Variants in TET2 observed in about 807,000 individuals in gnomAD.
TET2 encodes the protein methylcytosine dioxygenase TET2.
TET2 carries 299 observed loss-of-function variants against 142.9 expected under a neutral mutation model. That is an observed-to-expected ratio of 2.09 (90% CI 1.90 to 2.30). The LOEUF (loss-of-function observed/expected upper bound fraction) is 2.30, where lower values mean the gene tolerates loss of function less well. Among genes scored for constraint, TET2 ranks in the 30% most tolerant of loss-of-function variants. TET2 has a pLI of 0.00. For missense variants in TET2, 2,418 were observed against 2,378.0 expected (o/e 1.02, Z -0.35); for synonymous variants, 819 against 849.0 (o/e 0.96, Z 0.61).
chr4:105,243,578 C>T lies in TET2; in HGVS notation c.3603C>T (p.Arg1201=), dbSNP rs2110254442. 1 of 1,551,492 alleles carries T rather than the reference C, an allele frequency of 6.4e-7. No homozygotes were observed. Among genetic ancestry groups the T allele is most frequent in the Non-Finnish European group, 8.7e-7 (1 of 1,146,910 alleles). Residue 1201 remains arginine (R), a synonymous_variant, in exon 6 of 11, where the codon CGC becomes CGT. Transcript: ENST00000380013. ...QGCPIAKWVV[R]RSSSEEKLLC... is the part of the protein sequence containing the mutation. ...AATGGTGATCCACGCAGGTGGTTCG[C>T]AGAAGCAGCAGTGAAGAGAAGCTAC...
intron 2 of TET2, among the ~76,000 whole-genome samples, chr4:105,201,618 A>T (rs1578609433): frequency 6.6e-6 from 1 of 150,992 alleles, no homozygotes; most frequent in Admixed American, 6.6e-5. Flanking sequence ...TGCTAATTAT[A>T]GATTGTACTA....
intron 9 of TET2, among the ~76,000 whole-genome samples, chr4:105,271,167 T>C (rs1013955118): frequency 1.3e-5 from 2 of 152,240 alleles, no homozygotes; most frequent in Non-Finnish European, 2.9e-5. Context: ...CTTAGTTTAC[T>C]GGCCATACAA....
intron 1 of TET2, among the ~76,000 whole-genome samples, chr4:105,175,188 A>T (rs559866907): frequency 6.6e-6 from 1 of 152,306 alleles, no homozygotes; most frequent in African/African-American, 2.4e-5. Context: ...AAAAATTATA[A>T]GGCATGCTAA....
chr4:105,147,564 C>T (rs1045874598), intron 1 of TET2: 1 of 151,780 alleles, frequency 6.6e-6, no homozygotes, highest in African/African-American at 2.4e-5. Context: ...AATTGGAGTA[C>T]ACTGAGTGGG....
At chr4:105,242,297 A>T in intron 4 of TET2, 1 of 1,079,580 alleles carries the variant, frequency 9.3e-7, no homozygotes, top group East Asian at 5.1e-5. Flanking sequence ...TTTGTTTTTT[A>T]AACAAGCAGT....
intron 1 of TET2, among the ~76,000 whole-genome samples, chr4:105,162,180 G>A (rs753233546): frequency 1.4e-4 from 21 of 152,176 alleles, no homozygotes; most frequent in Non-Finnish European, 2.6e-4. Context: ...CTTGCTTGGT[G>A]ATGATAACAT....
rs145019756 is a variant in TET2, at chr4:105,236,982, G to T, written c.3040G>T (p.Ala1014Ser). 4 of 1,614,130 alleles carry T rather than the reference G, an allele frequency of 2.5e-6. No individual in the cohort carries two copies. In the East Asian group the frequency reaches 8.9e-5, roughly 36 times the overall value. Reference sequence around the variant, plus strand: ...GGTAACTAAGCAAGAGAATCCACCTGCAAGCTGTGATAATGTGCAGCAAAA... The same window carrying T: ...GGTAACTAAGCAAGAGAATCCACCTTCAAGCTGTGATAATGTGCAGCAAAA... ...KKVTKQENPP[A>S]SCDNVQQKSI... The change falls in exon 3 of 11, where the codon GCA (alanine) becomes TCA (serine). Residue 1014 changes from alanine to serine, a missense_variant. By Grantham distance (99) the Ala-to-Ser change is moderately conservative (BLOSUM62 1). Coordinates refer to ENST00000380013, the MANE Select transcript of TET2 (RefSeq NM_001127208.3).
At chr4:105,200,642 G>GTTTTGTTTTTGTTTTTGT (rs70964635) in intron 2 of TET2, among the ~76,000 whole-genome samples, 1 of 149,400 alleles carries the variant, frequency 6.7e-6, no homozygotes, top group Non-Finnish European at 1.5e-5. Flanking sequence ...TTTTTTGTTT[G>GTTTTGTTTTTGTTTTTGT]TTTTGTTTTT....
At chr4:105,190,623 T>C in intron 2 of TET2, 118 bp downstream of exon 2, 1 of 614,742 alleles carries the variant, frequency 1.6e-6, no homozygotes, top group Non-Finnish European at 2.9e-6. Flanking sequence ...CAAATACTTT[T>C]CTTTATTGTC....
At chr4:105,156,061 A>G (rs1215336083) in intron 1 of TET2, among the ~76,000 whole-genome samples, 1 of 152,226 alleles carries the variant, frequency 6.6e-6, no homozygotes, top group Non-Finnish European at 1.5e-5. Context: ...AACTTTGTGA[A>G]CCACCTCAGC....
chr4:105,236,064 TCA>T lies in TET2; in HGVS notation c.2123_2124del (p.Ser708Ter). On this transcript the variant is annotated frameshift_variant, in exon 3 of 11. Transcript: ENST00000380013. LOFTEE classifies it high-confidence loss of function. The stretch of plus-strand genomic sequence containing the variant: ...GAAACAGCACTTGAATCAACAGGCT[TCA>T]GAGACTGAGCCATTTTCAAACTCAC... ...VLKQHLNQQASETEPFSNSHL... is the reference protein window; with the variant it reads ...VLKQHLNQQAXETEPFSNSHL... The T allele has an allele frequency of 6.2e-7, 1 of 1,614,126 alleles. No homozygotes were observed. Among genetic ancestry groups the T allele is most frequent in the Admixed American group, 1.7e-5 (1 of 59,998 alleles).
At chr4:105,203,191 G>A (rs550392866) in intron 2 of TET2, among the ~76,000 whole-genome samples, 28 of 152,272 alleles carry the variant, frequency 1.8e-4, no homozygotes, top group Non-Finnish European at 2.8e-4. Flanking sequence ...ACATTTTTAC[G>A]TAAGATTTGG....
intron 2 of TET2, among the ~76,000 whole-genome samples, chr4:105,218,971 A>G (rs1387530696): frequency 6.6e-6 from 1 of 152,062 alleles, no homozygotes; most frequent in Non-Finnish European, 1.5e-5. Flanking sequence ...AATTAGAGTA[A>G]TCTTCATCAT....
intron 3 of TET2, chr4:105,237,690 CA>C: frequency 2.6e-6 from 3 of 1,174,170 alleles, no homozygotes; most frequent in Middle Eastern, 3.7e-4. Context: ...AGCTAGGCAG[CA>C]AAAAAACAAT....
chr4:105,200,063 G>A (rs1410298780), intron 2 of TET2, among the ~76,000 whole-genome samples: 2 of 152,088 alleles, frequency 1.3e-5, no homozygotes, highest in African/African-American at 4.8e-5. Context: ...ATACCCAGTA[G>A]TGGGGTTGCT....
rs79864807 is a variant in TET2 at position 105,225,185 on chromosome 4, C to CGTGTGTGT, written c.-46-8694_-46-8687dup. The stretch of plus-strand genomic sequence containing the variant: ...CATGCTGCACCATATAGTAAAAAAT[C>CGTGTGTGT]GTGTGTGTGTGTGTGTGTGTGTGTG... On this transcript the variant is annotated intron_variant, in intron 2 of 10. Coordinates refer to ENST00000380013, the MANE Select transcript of TET2 (RefSeq NM_001127208.3). Among the ~76,000 whole-genome samples the CGTGTGTGT allele has an allele frequency of 0.011, 1,680 of 147,196 alleles. 60 individuals are homozygous for CGTGTGTGT. In the South Asian group the frequency reaches 0.12, roughly 11 times the overall value.
rs150290658 is a variant in TET2, at chr4:105,174,000, G to A, written c.-192-16360G>A. 1.6e-4 allele frequency among the ~76,000 whole-genome samples: 24 copies of A among 152,204 alleles called. No individual in the cohort carries two copies. In the East Asian group the frequency reaches 4.6e-3, roughly 29 times the overall value. The stretch of plus-strand genomic sequence containing the variant: ...AAGAGTAGGTAGCAATGACTTCAAA[G>A]GACCATAGCTGTCCCTATCAACATA... On this transcript the variant is annotated intron_variant, in intron 1 of 10. Transcript: ENST00000380013.
intron 1 of TET2, among the ~76,000 whole-genome samples, chr4:105,158,801 C>T (rs1484641174): frequency 1.3e-5 from 2 of 151,660 alleles, no homozygotes; most frequent in African/African-American, 4.9e-5. Flanking sequence ...ACAGTTCTTC[C>T]TCTTTTTTGG....
chr4:105,231,737 T>C (rs1054964644), intron 2 of TET2, among the ~76,000 whole-genome samples: 5 of 152,214 alleles, frequency 3.3e-5, no homozygotes, highest in Admixed American at 6.5e-5. Context: ...TTTCTACTTA[T>C]ATCTTTAAAA....
Sources: allele counts gnomAD v4.1 joint callset (sites outside exome capture counted in the v4.1 genomes callset), GRCh38; gene constraint gnomAD v4.1.1; transcripts MANE v1.5; gene names NCBI Gene and HGNC (gene_info 2026-07-23, HGNC 2026-07-21).